The following HNRNPH1 variants were observed in gnomAD, a reference collection of about 807,000 sequenced individuals.
HNRNPH1 encodes the protein heterogeneous nuclear ribonucleoprotein H.
Under a neutral mutation model 58.6 loss-of-function variants are expected in HNRNPH1, and 4 were observed. That is an observed-to-expected ratio of 0.07 (90% CI 0.03 to 0.16). The LOEUF (loss-of-function observed/expected upper bound fraction) is 0.16. Among genes scored for constraint, HNRNPH1 ranks in the 10% least tolerant of loss-of-function variants. The pLI is 1.00. For missense variants in HNRNPH1, 271 were observed against 564.2 expected, an observed-to-expected ratio of 0.48 and a Z score of 5.26; for synonymous variants, 192 against 189.2, an observed-to-expected ratio of 1.01 and a Z score of -0.12.
upstream of HNRNPH1, among the ~76,000 whole-genome samples, chr5:179,627,921 C>CAA (rs574977616): frequency 8.3e-3 from 1,057 of 126,638 alleles, 11 homozygotes; most frequent in East Asian, 0.06. Context: ...GATTCCATTG[C>CAA]AAAAAAAAAA....
At chr5:179,625,624 A>G (rs1287783160), upstream of HNRNPH1, among the ~76,000 whole-genome samples, 1 of 149,052 alleles carries the variant, frequency 6.7e-6, no homozygotes, top group Non-Finnish European at 1.5e-5. Context: ...ACGCCATTGC[A>G]CTCCAGCCTG....
upstream of HNRNPH1, among the ~76,000 whole-genome samples, chr5:179,626,587 G>A (rs1277277958): frequency 2.0e-5 from 3 of 150,726 alleles, no homozygotes; most frequent in South Asian, 2.1e-4. Flanking sequence ...ATGGTGTCGC[G>A]TGCCTGTAAT....
intron 10 of HNRNPH1, chr5:179,616,464 G>A (rs78518762): frequency 0.042 from 22,795 of 544,110 alleles, 647 homozygotes; most frequent in Non-Finnish European, 0.058. Flanking sequence ...ACATGATTCC[G>A]TAAGTAGAGG....
exon 13 of HNRNPH1, chr5:179,614,808 G>A (rs1311525991): frequency 1.0e-5 from 7 of 678,804 alleles, no homozygotes; most frequent in South Asian, 4.1e-5. Flanking sequence ...AAAAAAAAAG[G>A]TTGACCAAGA....
exon 1 of HNRNPH1, chr5:179,623,135 GTC>G: frequency 6.2e-7 from 1 of 1,601,006 alleles, no homozygotes; most frequent in East Asian, 2.3e-5. Context: ...CAACATCATC[GTC>G]TCTTACGCGG....
At chr5:179,628,973 T>C (rs13168408), upstream of HNRNPH1, among the ~76,000 whole-genome samples, 30,418 of 151,580 alleles carry the variant, frequency 0.2, 3,790 homozygotes, top group Middle Eastern at 0.31. Context: ...AGAGCGAGAC[T>C]GTGCCTCAAA....
At chr5:179,621,157 C>G in intron 2 of HNRNPH1, 85 bp downstream of exon 3, 2 of 1,483,822 alleles carry the variant, frequency 1.3e-6, no homozygotes, top group Non-Finnish European at 1.9e-6. Context: ...CATTTCCATG[C>G]AGTCAAATAC....
At position 179,621,404 on chromosome 5, in the gene HNRNPH1, A is replaced by G. The variant is rs201646766; in HGVS notation, c.98-7T>C. 2 of 1,612,238 alleles carry G rather than the reference A, an allele frequency of 1.2e-6. No homozygotes were observed. The highest frequency in any genetic ancestry group is 1.7e-6 in the Non-Finnish European group (2 of 1,179,450). Reference sequence around the variant, plus strand: ...CCATTTTGAATTTTGCAGTCTGGAAAGAAAACAACCGTTAATACAGAATTT... The same window carrying G: ...CCATTTTGAATTTTGCAGTCTGGAAGGAAAACAACCGTTAATACAGAATTT... On this transcript the variant is annotated splice_polypyrimidine_tract_variant and splice_region_variant and intron_variant, in intron 1 of 12. Transcript: ENST00000356731.
intron 2 of HNRNPH1, among the ~76,000 whole-genome samples, chr5:179,632,782 A>G (rs1581777310): frequency 1.2e-5 from 1 of 81,800 alleles, no homozygotes. Flanking sequence ...TTTGAGACGG[A>G]GTCTCGCTCT....
At chr5:179,617,737 T>C in intron 7 of HNRNPH1, 62 bp downstream of exon 8, 3 of 1,607,082 alleles carry the variant, frequency 1.9e-6, no homozygotes, top group South Asian at 1.1e-5. Flanking sequence ...CTCACATTTA[T>C]AGAATAAGGC....
At chr5:179,630,637 C>T (rs1011963290) in intron 2 of HNRNPH1, among the ~76,000 whole-genome samples, 2 of 151,790 alleles carry the variant, frequency 1.3e-5, no homozygotes, top group East Asian at 2.0e-4. Flanking sequence ...TTCGGCCTGA[C>T]GCGGGGGCTC....
At chr5:179,615,150 C>A in intron 12 of HNRNPH1, 191 bp from the exon 14 acceptor site, 1 of 535,424 alleles carries the variant, frequency 1.9e-6, no homozygotes, top group Admixed American at 3.1e-5. Flanking sequence ...CTCTGCAGTA[C>A]CAACTTGCCA....
chr5:179,623,248 C>A, exon 1 of HNRNPH1: 1 of 645,344 alleles, frequency 1.5e-6, no homozygotes, highest in South Asian at 1.7e-5. Flanking sequence ...GCACCGCCCC[C>A]CCACGGAGCA....
upstream of HNRNPH1, among the ~76,000 whole-genome samples, chr5:179,625,454 T>C (rs1462376048): frequency 6.9e-6 from 1 of 144,234 alleles, no homozygotes; most frequent in African/African-American, 2.6e-5. Context: ...ATCACACCAC[T>C]GCCCTCCAGC....
chr5:179,615,061 T>C, intron 12 of HNRNPH1, 102 bp from the exon 14 acceptor site: 1 of 743,130 alleles, frequency 1.3e-6, no homozygotes, highest in Non-Finnish European at 2.3e-6. Flanking sequence ...CGAGTACAAA[T>C]GGCTGCTGTC....
chr5:179,618,050 G>A (rs761707756), exon 6 of HNRNPH1: 1 of 1,613,904 alleles, frequency 6.2e-7, no homozygotes, highest in East Asian at 2.2e-5. Flanking sequence ...AATCATCATA[G>A]CCTCCATAGC....
At chr5:179,617,565 C>A in exon 8 of HNRNPH1, 2 of 1,614,034 alleles carry the variant, frequency 1.2e-6, no homozygotes, top group Non-Finnish European at 1.7e-6. Flanking sequence ...TCATGAGTTG[C>A]GAACTCGACA....
At chr5:179,627,241 C>T (rs1774478231), upstream of HNRNPH1, among the ~76,000 whole-genome samples, 3 of 152,046 alleles carry the variant, frequency 2.0e-5, no homozygotes, top group East Asian at 1.9e-4. Context: ...ATGTCTTGTT[C>T]CGTGCAGTGA....
intron 12 of HNRNPH1, 157 bp downstream of exon 13, chr5:179,615,389 G>A (rs972435138): frequency 5.8e-6 from 3 of 517,038 alleles, no homozygotes; most frequent in Non-Finnish European, 1.1e-5. Context: ...ATGGTGGGCA[G>A]GAAGTGAGAC....
Sources: allele counts gnomAD v4.1 joint callset (sites outside exome capture counted in the v4.1 genomes callset), GRCh38; gene constraint gnomAD v4.1.1; transcripts MANE v1.5; gene names NCBI Gene and HGNC (gene_info 2026-07-23, HGNC 2026-07-21).